RFX4: variants seen among roughly 807,000 people sequenced by gnomAD.
The protein encoded by RFX4 is regulatory factor X4.
RFX4 carries 10 observed loss-of-function variants against 95.0 expected under a neutral mutation model. The ratio of observed to expected loss-of-function variants is 0.11; its 90% CI spans 0.06 to 0.18. The LOEUF is 0.18. Among genes scored for constraint, RFX4 ranks in the 10% least tolerant of loss-of-function variants. The pLI is 1.00. For synonymous variants in RFX4, 321 were observed against 340.7 expected (o/e 0.94, Z 0.64); for missense variants, 640 against 922.0 (o/e 0.69, Z 3.96).
intron 13 of RFX4, among the ~76,000 whole-genome samples, chr12:106,729,915 T>C (rs940625500): frequency 6.6e-6 from 1 of 152,180 alleles, no homozygotes; most frequent in African/African-American, 2.4e-5. Context: ...TTGGAAAGTT[T>C]AGTTTTAGAG....
At chr12:106,636,251 G>C (rs376129824) in intron 2 of RFX4, among the ~76,000 whole-genome samples, 118 of 152,036 alleles carry the variant, frequency 7.8e-4, no homozygotes, top group Admixed American at 3.7e-3. Context: ...TTAGCCAGGC[G>C]TGGTTGTGGG....
At chr12:106,676,030 G>C (rs950632486) in intron 4 of RFX4, among the ~76,000 whole-genome samples, 3 of 152,182 alleles carry the variant, frequency 2.0e-5, no homozygotes, top group Admixed American at 6.5e-5. Context: ...AGCACTCCAG[G>C]TGCAAAACCA....
At chr12:106,684,881 G>A in intron 5 of RFX4, 1 of 1,610,200 alleles carries the variant, frequency 6.2e-7, no homozygotes. Flanking sequence ...GATTCGAGAT[G>A]CCCACTAAGC....
At position 106,761,453 on chromosome 12, in the gene RFX4, C is replaced by T; in HGVS notation, c.2192C>T (p.Thr731Ile). The change falls in exon 18 of 18, where the codon ACA becomes ATA. Residue 731 changes from threonine to isoleucine, a missense_variant. Thr to Ile is a moderately conservative substitution (Grantham distance 89, BLOSUM62 -1). This residue lies in a region of RFX4 where 300 missense variants were observed against 346.8 expected (regional missense o/e 0.87). Transcript: ENST00000392842. ...GCTTACATCAACGGAGAGGCCTCTA[C>T]AGGATGGGCTAAATGACTGCTATCA... ...GFAYINGEAS[T>I]GWAK 1.2e-6 allele frequency: 2 copies of T among 1,613,260 alleles called. No homozygotes were observed. The highest frequency in any genetic ancestry group is 1.1e-5 in the South Asian group (1 of 90,964).
At chr12:106,716,103 G>C (rs1282353353) in intron 11 of RFX4, among the ~76,000 whole-genome samples, 1 of 152,114 alleles carries the variant, frequency 6.6e-6, no homozygotes, top group South Asian at 2.1e-4. Context: ...ATGTAGGCAG[G>C]ATGTTTGATC....
At chr12:106,594,376 T>G (rs561248909) in intron 1 of RFX4, among the ~76,000 whole-genome samples, 2 of 152,240 alleles carry the variant, frequency 1.3e-5, no homozygotes, top group East Asian at 3.9e-4. Context: ...GTGGGCAGAG[T>G]TTTTGAGGTT....
chr12:106,691,029 C>T (rs1240814288), intron 7 of RFX4, among the ~76,000 whole-genome samples: 1 of 152,154 alleles, frequency 6.6e-6, no homozygotes, highest in Non-Finnish European at 1.5e-5. Flanking sequence ...GGGGGGAAGG[C>T]ATGTAACCAG....
At chr12:106,653,882 T>C (rs544664708) in intron 3 of RFX4, among the ~76,000 whole-genome samples, 4 of 152,300 alleles carry the variant, frequency 2.6e-5, no homozygotes, top group South Asian at 2.1e-4. Flanking sequence ...TCCTGGCTGA[T>C]TGGGGCACCC....
At chr12:106,605,022 G>C (rs2039797342) in intron 1 of RFX4, among the ~76,000 whole-genome samples, 1 of 152,166 alleles carries the variant, frequency 6.6e-6, no homozygotes, top group African/African-American at 2.4e-5. Flanking sequence ...GAATCTCTCT[G>C]AGCCTTAGTG....
At chr12:106,749,773 G>C (rs960798640) in intron 16 of RFX4, among the ~76,000 whole-genome samples, 3 of 152,108 alleles carry the variant, frequency 2.0e-5, no homozygotes, top group African/African-American at 7.2e-5. Flanking sequence ...GTGAGAAACA[G>C]GGTCATGAAA....
chr12:106,616,935 A>ATT (rs150965941), intron 2 of RFX4, among the ~76,000 whole-genome samples: 11 of 141,766 alleles, frequency 7.8e-5, no homozygotes, highest in Admixed American at 2.1e-4. Flanking sequence ...TAATTTTTGT[A>ATT]TTTTTTTTTT....
intron 4 of RFX4, among the ~76,000 whole-genome samples, chr12:106,673,767 A>T (rs2041336673): frequency 6.6e-6 from 1 of 152,236 alleles, no homozygotes; most frequent in Non-Finnish European, 1.5e-5. Flanking sequence ...ACAATGCTGG[A>T]GACAACTTCA....
chr12:106,639,293 T>A lies in RFX4; in HGVS notation c.131-39T>A, dbSNP rs983459667. 8 of 1,577,716 alleles carry A rather than the reference T, an allele frequency of 5.1e-6. No homozygotes were observed. The Admixed American group carries it at 8.7e-5, about 17-fold the overall frequency. ...GAGGACTTTTACTTTTTCCTACTGT[T>A]TCCTACTGAAGTTAGCTTCTTTTTC... On this transcript the variant is annotated intron_variant, in intron 2 of 17. Coordinates refer to ENST00000392842, the MANE Select transcript of RFX4 (RefSeq NM_213594.3).
At chr12:106,645,495 T>C (rs905842628) in intron 3 of RFX4, among the ~76,000 whole-genome samples, 1 of 150,220 alleles carries the variant, frequency 6.7e-6, no homozygotes, top group African/African-American at 2.4e-5. Context: ...ATTGTCACTT[T>C]CGGGGGGGAT....
rs567860576 is a variant in RFX4, at chr12:106,634,505, G to A, written c.131-4827G>A. Among the ~76,000 whole-genome samples, 7 of 152,280 alleles carry A rather than the reference G, an allele frequency of 4.6e-5. No homozygotes were observed. The East Asian group carries it at 1.2e-3, about 25-fold the overall frequency. Reference sequence around the variant, plus strand: ...ATCCTCCCAACAACCTTTTGAGGTAGGGATTATTATTATCCTCCATTTAGA... The same window carrying A: ...ATCCTCCCAACAACCTTTTGAGGTAAGGATTATTATTATCCTCCATTTAGA... On this transcript the variant is annotated intron_variant, in intron 2 of 17. Coordinates refer to ENST00000392842, the MANE Select transcript of RFX4 (RefSeq NM_213594.3).
At chr12:106,658,097 C>T (rs887494245) in intron 4 of RFX4, among the ~76,000 whole-genome samples, 4 of 152,120 alleles carry the variant, frequency 2.6e-5, no homozygotes, top group Admixed American at 1.3e-4. Flanking sequence ...CAGAACAATG[C>T]CTGGCACAGA....
At chr12:106,679,790 C>A (rs183598247) in intron 4 of RFX4, among the ~76,000 whole-genome samples, 162 of 152,294 alleles carry the variant, frequency 1.1e-3, no homozygotes, top group African/African-American at 3.8e-3. Flanking sequence ...GCTCTGAAGC[C>A]ATTCATATGC....
intron 4 of RFX4, among the ~76,000 whole-genome samples, chr12:106,669,861 T>TGTGTGTGC (rs1159514015): frequency 6.6e-6 from 1 of 151,570 alleles, no homozygotes; most frequent in Admixed American, 6.6e-5. Context: ...TGTGTGTGTG[T>TGTGTGTGC]GTGTGTGTGT....
intron 3 of RFX4, among the ~76,000 whole-genome samples, chr12:106,647,368 T>C (rs2137300981): frequency 6.6e-6 from 1 of 152,286 alleles, no homozygotes; most frequent in East Asian, 1.9e-4. Context: ...TTTCTTCCTC[T>C]ATGTCCTAGG....
Sources: allele counts gnomAD v4.1 joint callset (sites outside exome capture counted in the v4.1 genomes callset), GRCh38; gene constraint gnomAD v4.1.1; regional missense constraint gnomAD v4.1.1; transcripts MANE v1.5; gene names NCBI Gene and HGNC (gene_info 2026-07-23, HGNC 2026-07-21).